MYRIP: variants seen among roughly 807,000 people sequenced by gnomAD.
MYRIP encodes rab effector MyRIP.
In MYRIP, 49 loss-of-function variants were observed where a neutral mutation model predicts 98.0. The observed-to-expected ratio is 0.50, with a 90% confidence interval of 0.40 to 0.63. The LOEUF is 0.63. MYRIP is among the 30% of genes least tolerant of loss of function. The pLI is 0.00. For missense variants in MYRIP, 1,004 were observed against 1,058.2 expected, an observed-to-expected ratio of 0.95 and a Z score of 0.71; for synonymous variants, 404 against 409.5, an observed-to-expected ratio of 0.99 and a Z score of 0.16.
chr3:40,130,379 CTTT>C (rs1174112413), intron 3 of MYRIP, among the ~76,000 whole-genome samples: 2 of 139,220 alleles, frequency 1.4e-5, no homozygotes. Context: ...GTCCAAATTT[CTTT>C]TTTTTTTTTT....
intron 3 of MYRIP, among the ~76,000 whole-genome samples, chr3:40,124,630 G>T (rs967900092): frequency 6.6e-6 from 1 of 152,196 alleles, no homozygotes; most frequent in Non-Finnish European, 1.5e-5. Flanking sequence ...GGAGAGAAAG[G>T]CTGGCTTTTC....
intron 2 of MYRIP, among the ~76,000 whole-genome samples, chr3:39,928,345 C>A (rs1944463240): frequency 1.3e-5 from 2 of 148,830 alleles, no homozygotes; most frequent in Non-Finnish European, 1.5e-5. Context: ...ACCCTGATGC[C>A]AAAGAAACAA....
chr3:39,854,684 T>C (rs1485688128), intron 1 of MYRIP, among the ~76,000 whole-genome samples: 1 of 152,226 alleles, frequency 6.6e-6, no homozygotes, highest in Non-Finnish European at 1.5e-5. Context: ...GCTTGGGAGC[T>C]GGTGTGATCT....
At chr3:40,181,295 C>T (rs2125615650) in intron 8 of MYRIP, among the ~76,000 whole-genome samples, 1 of 152,264 alleles carries the variant, frequency 6.6e-6, no homozygotes, top group South Asian at 2.1e-4. Flanking sequence ...CAGCTCTTCT[C>T]TGAAAGAGCT....
At chr3:40,078,292 G>A (rs139467786) in intron 3 of MYRIP, among the ~76,000 whole-genome samples, 1 of 152,186 alleles carries the variant, frequency 6.6e-6, no homozygotes, top group Non-Finnish European at 1.5e-5. Flanking sequence ...GCCCCGGTTC[G>A]CATTCGCACC....
chr3:39,859,205 G>A (rs1942391392), intron 1 of MYRIP, among the ~76,000 whole-genome samples: 1 of 151,010 alleles, frequency 6.6e-6, no homozygotes, highest in Admixed American at 6.6e-5. Context: ...GGATACAACT[G>A]ATACAGTGGA....
At chr3:39,935,954 A>G (rs1276200156) in intron 2 of MYRIP, among the ~76,000 whole-genome samples, 1 of 141,092 alleles carries the variant, frequency 7.1e-6, no homozygotes, top group Non-Finnish European at 1.5e-5. Flanking sequence ...ACGTTTTGAA[A>G]TATTAAAAAA....
At chr3:40,217,008 G>A (rs1952141108) in intron 11 of MYRIP, among the ~76,000 whole-genome samples, 1 of 152,116 alleles carries the variant, frequency 6.6e-6, no homozygotes, top group Admixed American at 6.6e-5. Flanking sequence ...AATATTTGTA[G>A]TTATCTAGCA....
chr3:40,237,560 C>T (rs1185233956), intron 12 of MYRIP, among the ~76,000 whole-genome samples: 3 of 152,170 alleles, frequency 2.0e-5, no homozygotes, highest in African/African-American at 7.2e-5. Flanking sequence ...AGCCTAGCCC[C>T]AGTCCACCAC....
At chr3:40,188,680 G>A (rs757664152) in intron 9 of MYRIP, among the ~76,000 whole-genome samples, 49 of 152,276 alleles carry the variant, frequency 3.2e-4, no homozygotes, top group Non-Finnish European at 5.9e-4. Context: ...AGGAGGCTGA[G>A]GCAGGAGAAT....
chr3:40,256,185 C>A (rs1276653693), intron 16 of MYRIP, among the ~76,000 whole-genome samples: 2 of 152,090 alleles, frequency 1.3e-5, no homozygotes, highest in African/African-American at 2.4e-5. Flanking sequence ...CAGGGCCAAT[C>A]TAGAAAATCA....
intron 9 of MYRIP, among the ~76,000 whole-genome samples, chr3:40,182,994 A>G (rs980409933): frequency 2.3e-4 from 35 of 152,200 alleles, no homozygotes; most frequent in Admixed American, 2.6e-4. Context: ...TCAGAGGCCA[A>G]AGTACAAGGT....
intron 2 of MYRIP, among the ~76,000 whole-genome samples, chr3:40,039,150 C>T (rs1012333370): frequency 5.3e-5 from 8 of 152,084 alleles, no homozygotes; most frequent in African/African-American, 1.9e-4. Context: ...ACCCACCACA[C>T]CTTAGAGTCT....
chr3:40,168,225 G>T, intron 7 of MYRIP, among the ~76,000 whole-genome samples: 1 of 152,164 alleles, frequency 6.6e-6, no homozygotes, highest in East Asian at 1.9e-4. Context: ...CAGGAACTGG[G>T]GACAAAGACC....
intron 10 of MYRIP, among the ~76,000 whole-genome samples, chr3:40,201,871 A>G (rs1365042028): frequency 2.0e-5 from 3 of 152,170 alleles, no homozygotes; most frequent in Non-Finnish European, 4.4e-5. Context: ...GCATTGGAAA[A>G]GGGAAAACTT....
rs556496630 is a variant in MYRIP, at chr3:39,842,700, T to C, written c.-31+32784T>C. Among the ~76,000 whole-genome samples the C allele has an allele frequency of 2.0e-5, 3 of 152,220 alleles. No homozygotes were observed. The East Asian group carries it at 5.8e-4, about 29-fold the overall frequency. Reference sequence around the variant, plus strand: ...ATGGCACAGTCCCTCAGGGCTTCCATTGGCTAGGAGAGGGAGTTCCCTGAC... The same window carrying C: ...ATGGCACAGTCCCTCAGGGCTTCCACTGGCTAGGAGAGGGAGTTCCCTGAC... On this transcript the variant is annotated intron_variant, in intron 1 of 16. Transcript: ENST00000302541.
intron 2 of MYRIP, among the ~76,000 whole-genome samples, chr3:39,983,869 A>C (rs1330093615): frequency 6.6e-6 from 1 of 152,252 alleles, no homozygotes; most frequent in Non-Finnish European, 1.5e-5. Flanking sequence ...ATTAGGTGTC[A>C]GGAAATAATA....
intron 1 of MYRIP, among the ~76,000 whole-genome samples, chr3:39,815,888 T>TG (rs558858930): frequency 7.9e-5 from 3 of 37,824 alleles, no homozygotes; most frequent in Non-Finnish European, 1.8e-4. Flanking sequence ...TCTAATAGCG[T>TG]TTTTTTTTTT....
intron 3 of MYRIP, among the ~76,000 whole-genome samples, chr3:40,128,654 T>C (rs569442830): frequency 1.5e-4 from 23 of 152,340 alleles, no homozygotes; most frequent in African/African-American, 5.3e-4. Context: ...GCATCTGCCA[T>C]ACAGGGACAT....
Sources: allele counts gnomAD v4.1 joint callset (sites outside exome capture counted in the v4.1 genomes callset), GRCh38; gene constraint gnomAD v4.1.1; transcripts MANE v1.5; gene names NCBI Gene and HGNC (gene_info 2026-07-23, HGNC 2026-07-21).